The following PARVB variants were observed in gnomAD, a reference collection of about 807,000 sequenced individuals.
The protein encoded by PARVB is beta-parvin.
PARVB carries 46 observed loss-of-function variants against 47.0 expected under a neutral mutation model. The ratio of observed to expected loss-of-function variants is 0.98; its 90% CI spans 0.77 to 1.25. The LOEUF is 1.25. Among genes scored for constraint, PARVB ranks in the 50% most tolerant of loss-of-function variants. The pLI is 0.00. For missense variants in PARVB, 473 were observed against 471.6 expected (o/e 1.00, Z -0.03); for synonymous variants, 196 against 196.3 (o/e 1.00, Z 0.01).
intron 1 of PARVB, among the ~76,000 whole-genome samples, chr22:44,042,777 A>G (rs2051042376): frequency 6.6e-6 from 1 of 152,164 alleles, no homozygotes; most frequent in Non-Finnish European, 1.5e-5. Context: ...TTGCAAGGAC[A>G]TGTTTCTACA....
At chr22:44,102,186 C>T (rs1438468998) in intron 3 of PARVB, among the ~76,000 whole-genome samples, 1 of 152,170 alleles carries the variant, frequency 6.6e-6, no homozygotes, top group Non-Finnish European at 1.5e-5. Flanking sequence ...CACTAGCAGT[C>T]CCCGGCAGAG....
chr22:44,146,414 C>G (rs1426436072), intron 8 of PARVB: 1 of 152,036 alleles, frequency 6.6e-6, no homozygotes, highest in Non-Finnish European at 1.5e-5. Context: ...AACACGTGCC[C>G]ACAATGCACA....
chr22:44,101,367 G>A (rs982292301), intron 3 of PARVB, among the ~76,000 whole-genome samples: 3 of 150,982 alleles, frequency 2.0e-5, no homozygotes, highest in Admixed American at 1.3e-4. Flanking sequence ...CCGAGATCGC[G>A]CCACTGCACT....
chr22:44,007,303 C>T (rs894503665), intron 2 of PARVB, among the ~76,000 whole-genome samples: 3 of 152,184 alleles, frequency 2.0e-5, no homozygotes, highest in East Asian at 1.9e-4. Flanking sequence ...GAGTCTCCTC[C>T]GAGAAGCCCA....
At chr22:44,035,485 C>G (rs2050904717) in intron 1 of PARVB, among the ~76,000 whole-genome samples, 1 of 151,880 alleles carries the variant, frequency 6.6e-6, no homozygotes, top group Non-Finnish European at 1.5e-5. Flanking sequence ...ATTCTCCTGC[C>G]TCAGCCTCCC....
chr22:44,021,123 A>G (rs1318976496), upstream of PARVB, among the ~76,000 whole-genome samples: 1 of 152,202 alleles, frequency 6.6e-6, no homozygotes, highest in Non-Finnish European at 1.5e-5. Flanking sequence ...GGCTAAGCAC[A>G]ATTGAAGCTG....
At chr22:44,079,089 C>T (rs1271374559) in intron 1 of PARVB, among the ~76,000 whole-genome samples, 3 of 152,216 alleles carry the variant, frequency 2.0e-5, no homozygotes, top group Non-Finnish European at 4.4e-5. Context: ...AACCCTGATT[C>T]AGTCGTTCAT....
intron 1 of PARVB, among the ~76,000 whole-genome samples, chr22:44,060,659 C>T (rs1252974019): frequency 2.0e-5 from 3 of 151,820 alleles, no homozygotes; most frequent in Admixed American, 1.3e-4. Context: ...TGGGCACAGG[C>T]GAAGGAGAGG....
intron 4 of PARVB, among the ~76,000 whole-genome samples, chr22:44,127,512 T>C (rs1470966357): frequency 6.6e-6 from 1 of 152,156 alleles, no homozygotes; most frequent in Non-Finnish European, 1.5e-5. Context: ...TAGGAGATTT[T>C]AGCTGAATAC....
At chr22:44,138,220 G>A (rs1301011296) in intron 7 of PARVB, among the ~76,000 whole-genome samples, 5 of 152,200 alleles carry the variant, frequency 3.3e-5, no homozygotes, top group African/African-American at 1.2e-4. Flanking sequence ...GAGAAAGGAT[G>A]CATCCACAGA....
rs57745730 is a variant in PARVB at position 44,035,368 on chromosome 22, CT to C, written c.112+10937del. ...TCACGCTTTTCTTCTTTTCTTTTTC[CT>C]TTTTTTTTTTTTTTTTTTTGAGACG... On this transcript the variant is annotated intron_variant, in intron 1 of 12. Coordinates refer to ENST00000338758, the MANE Select transcript of PARVB (RefSeq NM_013327.5). Among the ~76,000 whole-genome samples the C allele has an allele frequency of 8.7e-3, 1,032 of 118,028 alleles. 5 individuals carry two copies. Among genetic ancestry groups the C allele is most frequent in the African/African-American group, 0.028 (914 of 32,980 alleles). 77.4% of individuals were successfully genotyped at this position (118,028 alleles called of 152,430 possible). A position where few individuals can be genotyped will look rare whatever the true frequency, so the allele number is the denominator to read the frequency against.
rs16991609 is a variant in PARVB, at chr22:44,169,513, C to T, written c.*835C>T. 2 of 149,890 alleles carry T rather than the reference C, an allele frequency of 1.3e-5. 1 individual carries two copies. Among genetic ancestry groups the T allele is most frequent in the Admixed American group, 1.3e-4 (2 of 15,220 alleles). The allele number at this position is 149,890 out of a possible 1,614,324, so 9.3% of individuals were successfully genotyped here. On this transcript the variant is annotated 3_prime_UTR_variant, in exon 13 of 13. Transcript: ENST00000338758. ...TTGGGAATGAATGCATCTTTGGAAA[C>T]TTTAAAATGAGGGGGGTGCATTGGT...
chr22:44,160,375 G>A lies in PARVB; in HGVS notation c.945+2292G>A, dbSNP rs372080834. ...CAGCAAGGGCAGAGCCAGGAGGGTC[G>A]ACTCCTATTCCAGAACCCTCTATTC... On this transcript the variant is annotated intron_variant, in intron 11 of 12. Transcript: ENST00000338758. 1.2e-4 allele frequency among the ~76,000 whole-genome samples: 18 copies of A among 152,350 alleles called. 1 individual carries two copies. Among genetic ancestry groups the A allele is most frequent in the Admixed American group, 7.2e-4 (11 of 15,312 alleles).
Position 44,024,306 on chromosome 22 carries a change from G to C in PARVB, c.-34G>C, listed in dbSNP as rs1479085420. ...CCGGGGCGACCGGGCGGCTCCACAC[G>C]CGCTGCGCCCGCCGCCGGCCCCACG... On this transcript the variant is annotated 5_prime_UTR_variant, in exon 1 of 13. Coordinates refer to ENST00000338758, the MANE Select transcript of PARVB (RefSeq NM_013327.5). 1.2e-5 allele frequency: 12 copies of C among 989,036 alleles called. No homozygotes were observed. Among genetic ancestry groups the C allele is most frequent in the Non-Finnish European group, 1.3e-5 (11 of 832,734 alleles). 61.3% of individuals were successfully genotyped at this position (989,036 alleles called of 1,614,324 possible).
intron 6 of PARVB, among the ~76,000 whole-genome samples, chr22:44,134,709 C>T (rs1457210462): frequency 6.6e-6 from 1 of 152,122 alleles, no homozygotes; most frequent in Non-Finnish European, 1.5e-5. Flanking sequence ...CTTATCTAAC[C>T]CCAGATGGAA....
chr22:44,028,074 G>A (rs575086081), intron 1 of PARVB, among the ~76,000 whole-genome samples: 9 of 151,990 alleles, frequency 5.9e-5, no homozygotes, highest in Admixed American at 3.9e-4. Context: ...AGTGCCCCCC[G>A]GCTGTGTGGT....
intron 1 of PARVB, among the ~76,000 whole-genome samples, chr22:44,055,814 C>T (rs976025159): frequency 2.3e-4 from 35 of 152,188 alleles, no homozygotes; most frequent in African/African-American, 8.0e-4. Flanking sequence ...AGGAGACCCA[C>T]GTCCCAGCTG....
intron 4 of PARVB, among the ~76,000 whole-genome samples, chr22:44,127,895 C>T (rs1601647672): frequency 6.6e-6 from 1 of 152,186 alleles, no homozygotes; most frequent in South Asian, 2.1e-4. Flanking sequence ...GATGATCTTC[C>T]CACCTCAGCT....
chr22:44,067,112 G>C (rs893161247), intron 1 of PARVB, among the ~76,000 whole-genome samples: 1 of 152,326 alleles, frequency 6.6e-6, no homozygotes, highest in East Asian at 1.9e-4. Context: ...AATGTGCTGG[G>C]AGTACAGGTG....
Sources: allele counts gnomAD v4.1 joint callset (sites outside exome capture counted in the v4.1 genomes callset), GRCh38; gene constraint gnomAD v4.1.1; transcripts MANE v1.5; gene names NCBI Gene and HGNC (gene_info 2026-07-23, HGNC 2026-07-21).